The following COL27A1 variants were observed in gnomAD, a reference collection of about 807,000 sequenced individuals.
The protein encoded by COL27A1 is collagen type XXVII alpha 1 chain.
COL27A1 carries 106 observed loss-of-function variants against 251.3 expected under a neutral mutation model. The ratio of observed to expected loss-of-function variants is 0.42; its 90% CI spans 0.36 to 0.50. The LOEUF is 0.50. COL27A1 is among the 20% of genes least tolerant of loss of function. COL27A1 has a pLI of 0.00. For synonymous variants in COL27A1, 1,000 were observed against 986.3 expected (o/e 1.01, Z -0.26); for missense variants, 2,325 against 2,522.8 (o/e 0.92, Z 1.68).
At chr9:114,310,129 G>A (rs1013476446) in intron 60 of COL27A1, among the ~76,000 whole-genome samples, 1 of 152,144 alleles carries the variant, frequency 6.6e-6, no homozygotes, top group African/African-American at 2.4e-5. Flanking sequence ...GGAAAAGGGT[G>A]GGAGAGGGGT....
At chr9:114,265,522 T>C (rs781438272) in intron 32 of COL27A1, 47 bp downstream of exon 32, 25 of 1,577,116 alleles carry the variant, frequency 1.6e-5, no homozygotes, top group Non-Finnish European at 2.2e-5. Context: ...CGCTGGCACC[T>C]GGGGGTGTGG....
At chr9:114,211,790 G>T (rs1374198919) in intron 12 of COL27A1, among the ~76,000 whole-genome samples, 1 of 152,184 alleles carries the variant, frequency 6.6e-6, no homozygotes, top group East Asian at 1.9e-4. Context: ...TAGACTCTTC[G>T]CCTGGAAGGA....
rs774923301 is a variant in COL27A1 at position 114,283,721 on chromosome 9, C to G, written c.3892C>G (p.Arg1298Gly). The change falls in exon 40 of 61, where the codon CGC (arginine) becomes GGC (glycine). Residue 1298 changes from arginine to glycine, a missense_variant. Transcript: ENST00000356083. ...CCTCCTCTTGTAGGGTGCTCCGGGA[C>G]GCATGGGGGCCCAAGGAGAACCGGG... is the stretch of plus-strand genomic sequence containing the variant. ...GSLGPTGAPG[R>G]MGAQGEPGLA... 3.1e-6 allele frequency: 5 copies of G among 1,614,028 alleles called. No homozygotes were observed. The East Asian group carries it at 1.1e-4, about 36-fold the overall frequency.
Position 114,169,012 on chromosome 9 carries a change from C to T in COL27A1, c.1457C>T (p.Ala486Val). The T allele has an allele frequency of 1.2e-6, 2 of 1,614,164 alleles. No individual in the cohort carries two copies. The highest frequency in any genetic ancestry group is 8.5e-7 in the Non-Finnish European group (1 of 1,180,036). The change falls in exon 3 of 61, where the codon GCT becomes GTT. Residue 486 changes from alanine to valine, a missense_variant. Coordinates refer to ENST00000356083, the MANE Select transcript of COL27A1 (RefSeq NM_032888.4). ...TSTHKPPPFTALSSSPAPTPG... is the reference protein window; with the variant it reads ...TSTHKPPPFTVLSSSPAPTPG... ...ACCCACAAACCTCCCCCATTTACTGCTTTATCCTCATCTCCTGCCCCTACT... is the reference window on the plus strand; with the variant it reads ...ACCCACAAACCTCCCCCATTTACTGTTTTATCCTCATCTCCTGCCCCTACT...
chr9:114,223,055 G>A (rs1444989693), intron 14 of COL27A1, among the ~76,000 whole-genome samples: 1 of 152,208 alleles, frequency 6.6e-6, no homozygotes, highest in Non-Finnish European at 1.5e-5. Context: ...TCCAGGTGGT[G>A]TAGGCCTCGA....
chr9:114,276,101 G>T (rs765944808), intron 37 of COL27A1, among the ~76,000 whole-genome samples: 39 of 152,128 alleles, frequency 2.6e-4, no homozygotes, highest in Non-Finnish European at 4.0e-4. Context: ...GCCTTTGCAT[G>T]TGCTCTGTCT....
Position 114,169,399 on chromosome 9 carries a change from C to G in COL27A1, c.1844C>G (p.Ala615Gly). Residue 615 changes from alanine to glycine, a missense_variant, in exon 3 of 61, where the codon GCA (alanine) becomes GGA (glycine). By Grantham distance (60) the Ala-to-Gly change is moderately conservative (BLOSUM62 0). Around this residue, in one of 4 missense-constraint regions of COL27A1, gnomAD observed 1,183 missense variants for 1,144.1 expected, o/e 1.03. Transcript: ENST00000356083. ...TSSGYSIFHLAGSTPFPLLMG... is the reference protein window; with the variant it reads ...TSSGYSIFHLGGSTPFPLLMG... ...AGTGGCTATTCGATCTTCCACCTGG[C>G]AGGATCTACGCCTTTCCCTCTGCTG... The G allele has an allele frequency of 6.2e-6, 10 of 1,605,118 alleles. No individual in the cohort carries two copies. The highest frequency in any genetic ancestry group is 7.6e-6 in the Non-Finnish European group (9 of 1,176,522).
intron 3 of COL27A1, among the ~76,000 whole-genome samples, chr9:114,170,566 A>G (rs1849239540): frequency 6.6e-6 from 1 of 152,188 alleles, no homozygotes; most frequent in African/African-American, 2.4e-5. Flanking sequence ...AGGCCTTCCA[A>G]ACACACTTAA....
At chr9:114,268,986 T>G in intron 34 of COL27A1, 1 of 437,140 alleles carries the variant, frequency 2.3e-6, no homozygotes, top group Non-Finnish European at 3.9e-6. Flanking sequence ...GTACAGTTAG[T>G]TATTAATAGG....
At chr9:114,284,472 C>G (rs897674027) in intron 40 of COL27A1, among the ~76,000 whole-genome samples, 1 of 152,126 alleles carries the variant, frequency 6.6e-6, no homozygotes, top group African/African-American at 2.4e-5. Context: ...CCCGAGTCAC[C>G]CTTCCAGGTC....
chr9:114,284,849 G>A lies in COL27A1; in HGVS notation c.3987+72G>A, dbSNP rs1328950650. 7.8e-6 allele frequency: 12 copies of A among 1,537,874 alleles called. No individual in the cohort carries two copies. The East Asian group carries it at 1.8e-4, about 23-fold the overall frequency. On this transcript the variant is annotated intron_variant, in intron 41 of 60. Transcript: ENST00000356083. ...CTGAGGTCAGCTTCAGGGCCAGCAG[G>A]AGAAAGCCCCTGGGGTACCCATGGC...
At position 114,216,323 on chromosome 9, in the gene COL27A1, G is replaced by A. The variant is rs538163177; in HGVS notation, c.2368-3468G>A. 2.3e-3 allele frequency among the ~76,000 whole-genome samples: 357 copies of A among 152,358 alleles called. 2 individuals carry two copies. Among genetic ancestry groups the A allele is most frequent in the African/African-American group, 7.7e-3 (320 of 41,598 alleles). ...GCCAGCCTGCTGCAGCCAGGAGCTCGGGCATGTGGAGGAAGGTCCCTGCTG... is the reference window on the plus strand; with the variant it reads ...GCCAGCCTGCTGCAGCCAGGAGCTCAGGCATGTGGAGGAAGGTCCCTGCTG... On this transcript the variant is annotated intron_variant, in intron 12 of 60. Coordinates refer to ENST00000356083, the MANE Select transcript of COL27A1 (RefSeq NM_032888.4).
At chr9:114,165,435 C>T (rs772140481) in intron 2 of COL27A1, among the ~76,000 whole-genome samples, 1 of 151,560 alleles carries the variant, frequency 6.6e-6, no homozygotes, top group Non-Finnish European at 1.5e-5. Context: ...TCCATCCATT[C>T]ATCCATTTAT....
chr9:114,210,542 A>G (rs866097654), intron 11 of COL27A1, among the ~76,000 whole-genome samples: 1 of 152,120 alleles, frequency 6.6e-6, no homozygotes, highest in Non-Finnish European at 1.5e-5. Flanking sequence ...CAGACCAAGT[A>G]TCTAAGTCAG....
In COL27A1 at chr9:114,290,455, G is replaced by GA; in HGVS notation, c.4368+126dup. On this transcript the variant is annotated intron_variant, in intron 47 of 60. Transcript: ENST00000356083. This position sits in a 1 kb window ranked among gnomAD's most constrained non-coding sequence, Gnocchi z 4.6. ...TGGATGGGCAGAACCAACACATCCA[G>GA]AAGTTCTCTGGGGTGGGCAACCATC... 1.2e-6 allele frequency: 1 copy of GA among 809,888 alleles called. No individual in the cohort carries two copies. The highest frequency in any genetic ancestry group is 1.5e-5 in the South Asian group (1 of 65,884). 50.2% of individuals were successfully genotyped at this position (809,888 alleles called of 1,614,324 possible). A position where few individuals can be genotyped will look rare whatever the true frequency, so the allele number is the denominator to read the frequency against.
At position 114,242,163 on chromosome 9, in the gene COL27A1, C is replaced by A. The variant is rs189901974; in HGVS notation, c.2836-24C>A. On this transcript the variant is annotated intron_variant, in intron 21 of 60. Coordinates refer to ENST00000356083, the MANE Select transcript of COL27A1 (RefSeq NM_032888.4). ...ACTGGATTAACTTTCTCCTTTTTTC[C>A]TCTCTCGTGTCTCCCAATTCTAGGG... 6.6e-5 allele frequency: 104 copies of A among 1,581,438 alleles called. No homozygotes were observed. In the African/African-American group the frequency reaches 1.2e-3, roughly 18 times the overall value.
At position 114,310,600 on chromosome 9, in the gene COL27A1, C is replaced by A. The variant is rs761984605; in HGVS notation, c.5488C>A (p.Pro1830Thr). Residue 1830 changes from proline to threonine, a missense_variant, in exon 61 of 61, where the codon CCC becomes ACC. By Grantham distance (38) the Pro-to-Thr change is conservative (BLOSUM62 -1). This residue lies in a region of COL27A1 where 327 missense variants were observed against 442.8 expected (regional missense o/e 0.74). Coordinates refer to ENST00000356083, the MANE Select transcript of COL27A1 (RefSeq NM_032888.4). ...QTLFTFRTQD[P>T]QQLPIISVDN... The stretch of plus-strand genomic sequence containing the variant: ...ACTCTTCACCTTCCGGACCCAAGAC[C>A]CCCAACAGCTGCCCATCATCAGTGT... The A allele has an allele frequency of 7.4e-6, 12 of 1,614,072 alleles. No individual in the cohort carries two copies. The African/African-American group carries it at 9.3e-5, about 13-fold the overall frequency.
chr9:114,297,187 T>C lies in COL27A1; in HGVS notation c.4585-2883T>C, dbSNP rs141414643. 5.6e-3 allele frequency among the ~76,000 whole-genome samples: 849 copies of C among 152,332 alleles called. 9 individuals carry two copies. Among genetic ancestry groups the C allele is most frequent in the African/African-American group, 0.017 (689 of 41,570 alleles). ...TCAAAACAAATCAGATTATACAATT[T>C]AAATAGTATAGTTATTATCTTCAGT... is the stretch of plus-strand genomic sequence containing the variant. On this transcript the variant is annotated intron_variant, in intron 49 of 60. Coordinates refer to ENST00000356083, the MANE Select transcript of COL27A1 (RefSeq NM_032888.4).
intron 11 of COL27A1, 124 bp downstream of exon 11, chr9:114,209,852 G>C (rs750844054): frequency 5.8e-6 from 5 of 865,404 alleles, no homozygotes; most frequent in Non-Finnish European, 9.6e-6. Context: ...CTTGAGTCGA[G>C]TAGGAGTCTG....
Sources: gnomAD v4.1 joint callset for allele counts (sites outside exome capture counted in the v4.1 genomes callset) on GRCh38, gnomAD v4.1.1 for gene constraint, gnomAD v4.1.1 regional missense constraint, Gnocchi (gnomAD v3.1) non-coding constraint, MANE v1.5 for transcripts, NCBI Gene and HGNC (gene_info 2026-07-23, HGNC 2026-07-21) for gene names.